NR2F1-AS1: variants seen among roughly 807,000 people sequenced by gnomAD.
NR2F1-AS1 encodes the protein NR2F1 antisense RNA 1.
upstream of NR2F1-AS1, among the ~76,000 whole-genome samples, chr5:93,581,542 G>C (rs2149936552): frequency 6.6e-6 from 1 of 152,082 alleles, no homozygotes; most frequent in African/African-American, 2.4e-5. Context: ...GCCCGGGAGC[G>C]GCTCCCGTCC....
At chr5:93,524,547 C>A (rs1476039128) in intron 4 of NR2F1-AS1, among the ~76,000 whole-genome samples, 1 of 152,136 alleles carries the variant, frequency 6.6e-6, no homozygotes, top group Non-Finnish European at 1.5e-5. Context: ...CCCCAAGACA[C>A]ACAATCATCA....
At chr5:93,576,973 A>G (rs1752911058) in intron 1 of NR2F1-AS1, among the ~76,000 whole-genome samples, 1 of 152,234 alleles carries the variant, frequency 6.6e-6, no homozygotes. Context: ...AAAAGTCTTC[A>G]ATTATTTCCT....
chr5:93,559,344 G>A (rs1178777082), intron 2 of NR2F1-AS1, among the ~76,000 whole-genome samples: 5 of 152,150 alleles, frequency 3.3e-5, no homozygotes, highest in Admixed American at 3.3e-4. Flanking sequence ...GAGAGTTAGG[G>A]CTTTGTTCTA....
intron 1 of NR2F1-AS1, among the ~76,000 whole-genome samples, chr5:93,565,008 G>A (rs751024830): frequency 4.0e-5 from 6 of 151,830 alleles, no homozygotes; most frequent in African/African-American, 9.7e-5. Context: ...AAGATAGTCC[G>A]AGAAAAAAAT....
At chr5:93,490,822 A>G (rs1461745766) in intron 4 of NR2F1-AS1, among the ~76,000 whole-genome samples, 1 of 126,530 alleles carries the variant, frequency 7.9e-6, no homozygotes. Context: ...GGTTGTGGTT[A>G]TGGTAGTGGT....
chr5:93,522,457 T>A (rs78484502), intron 4 of NR2F1-AS1, among the ~76,000 whole-genome samples: 61 of 152,354 alleles, frequency 4.0e-4, no homozygotes, highest in Middle Eastern at 3.4e-3. Flanking sequence ...TTCCCTTTTT[T>A]AAAAATACAA....
At position 93,493,743 on chromosome 5, in the gene NR2F1-AS1, A is replaced by C. The variant is rs566538364; in HGVS notation, n.638+60018T>G. ...GACAAGGGTGCCAAGGCCATTCAACAGAGAAAGAAGAGTCTCTTCAACAAA... is the reference window on the plus strand; with the variant it reads ...GACAAGGGTGCCAAGGCCATTCAACCGAGAAAGAAGAGTCTCTTCAACAAA... On this transcript the variant is annotated intron_variant and non_coding_transcript_variant, in intron 4 of 5. Coordinates refer to ENST00000660523, the Ensembl canonical transcript of NR2F1-AS1. 5.3e-4 allele frequency among the ~76,000 whole-genome samples: 80 copies of C among 152,260 alleles called. 1 individual carries two copies. Among genetic ancestry groups the C allele is most frequent in the African/African-American group, 1.7e-3 (72 of 41,574 alleles).
intron 4 of NR2F1-AS1, among the ~76,000 whole-genome samples, chr5:93,504,980 C>T (rs1303885075): frequency 2.6e-5 from 4 of 152,184 alleles, no homozygotes; most frequent in Non-Finnish European, 5.9e-5. Context: ...TAAAAGTCCA[C>T]AGTCGAAAGT....
chr5:93,482,046 G>A (rs1159348277), intron 4 of NR2F1-AS1, among the ~76,000 whole-genome samples: 1 of 151,672 alleles, frequency 6.6e-6, no homozygotes, highest in East Asian at 1.9e-4. Context: ...AAATAATAAA[G>A]ATTAGAGAAA....
chr5:93,503,935 A>G (rs559366319), intron 4 of NR2F1-AS1, among the ~76,000 whole-genome samples: 2 of 152,278 alleles, frequency 1.3e-5, no homozygotes, highest in South Asian at 4.1e-4. Context: ...GAGTCCTGTG[A>G]GTCCTCCTAG....
At chr5:93,508,009 G>A (rs145830206) in intron 4 of NR2F1-AS1, among the ~76,000 whole-genome samples, 1 of 152,170 alleles carries the variant, frequency 6.6e-6, no homozygotes, top group African/African-American at 2.4e-5. Context: ...CATGTTGGTA[G>A]ATGAAAAAAA....
chr5:93,572,130 G>A (rs1371584282), intron 1 of NR2F1-AS1, among the ~76,000 whole-genome samples: 1 of 152,228 alleles, frequency 6.6e-6, no homozygotes, highest in African/African-American at 2.4e-5. Flanking sequence ...GACAGACTTG[G>A]TCTAAATACA....
At chr5:93,514,959 A>G (rs1475887037) in intron 4 of NR2F1-AS1, among the ~76,000 whole-genome samples, 1 of 152,016 alleles carries the variant, frequency 6.6e-6, no homozygotes, top group African/African-American at 2.4e-5. Flanking sequence ...TTAAATTTCA[A>G]CAAAAGTAAA....
intron 4 of NR2F1-AS1, among the ~76,000 whole-genome samples, chr5:93,448,564 GC>G (rs1289897120): frequency 3.3e-5 from 5 of 152,218 alleles, no homozygotes; most frequent in Admixed American, 3.3e-4. Flanking sequence ...CTACCTGATA[GC>G]TTAGGTGTGG....
intron 2 of NR2F1-AS1, chr5:93,555,047 G>A (rs1752322422): frequency 6.6e-6 from 1 of 152,164 alleles, no homozygotes; most frequent in Admixed American, 6.6e-5. Context: ...AACATTTCCA[G>A]TCACAATTCT....
At chr5:93,584,272 G>T, upstream of NR2F1-AS1, 1 of 149,324 alleles carries the variant, frequency 6.7e-6, no homozygotes. Flanking sequence ...CGCCGCAGCA[G>T]CTCCGGCGGC....
chr5:93,420,339 C>T (rs1749062312), intron 4 of NR2F1-AS1, among the ~76,000 whole-genome samples: 1 of 152,176 alleles, frequency 6.6e-6, no homozygotes, highest in Non-Finnish European at 1.5e-5. Context: ...CTGAGCTAGC[C>T]CACTTATTCA....
At position 93,554,362 on chromosome 5, in the gene NR2F1-AS1, T is replaced by C. The variant is rs1476708798; in HGVS notation, n.536-499A>G. On this transcript the variant is annotated intron_variant and non_coding_transcript_variant, in intron 3 of 5. Transcript: ENST00000660523. ...AATTCTGAAAAACACTTCCATTTTT[T>C]ATGAAGAAAAAATATTTTAGTTACT... 2.0e-5 allele frequency among the ~76,000 whole-genome samples: 3 copies of C among 152,156 alleles called. No homozygotes were observed. In the East Asian group the frequency reaches 5.8e-4, roughly 29 times the overall value.
At chr5:93,417,816 C>T (rs1224629504) in intron 4 of NR2F1-AS1, among the ~76,000 whole-genome samples, 2 of 152,184 alleles carry the variant, frequency 1.3e-5, no homozygotes, top group African/African-American at 4.8e-5. Flanking sequence ...AAGCACATGT[C>T]TGCAGCACTG....
Sources: gnomAD v4.1 joint callset for allele counts (sites outside exome capture counted in the v4.1 genomes callset) on GRCh38, gnomAD v4.1.1 for gene constraint, MANE v1.5 for transcripts, NCBI Gene and HGNC (gene_info 2026-07-23, HGNC 2026-07-21) for gene names.